The following APC variants were observed in gnomAD, a reference collection of about 807,000 sequenced individuals.
The protein encoded by APC is adenomatous polyposis coli protein.
APC carries 72 observed loss-of-function variants against 247.0 expected under a neutral mutation model. The observed-to-expected ratio is 0.29, with a 90% CI of 0.24 to 0.35. The LOEUF is 0.35. APC is among the 10% of genes least tolerant of loss of function. APC has a pLI of 1.00. For missense variants in APC, 3,400 were observed against 3,360.7 expected, an observed-to-expected ratio of 1.01 and a Z score of -0.29; for synonymous variants, 1,254 against 1,162.5, an observed-to-expected ratio of 1.08 and a Z score of -1.60.
At chr5:112,790,635 A>C (rs1464059895) in intron 6 of APC, among the ~76,000 whole-genome samples, 1 of 152,128 alleles carries the variant, frequency 6.6e-6, no homozygotes, top group African/African-American at 2.4e-5. Context: ...GGCAGCGAAC[A>C]CAACTTGAGT....
At chr5:112,715,069 G>T (rs558885251) in intron 1 of APC, among the ~76,000 whole-genome samples, 1 of 152,192 alleles carries the variant, frequency 6.6e-6, no homozygotes, top group Non-Finnish European at 1.5e-5. Context: ...TATGTACATT[G>T]TACTCCTACC....
In APC at chr5:112,839,431, T is replaced by G. The variant is rs1057522493; in HGVS notation, c.3837T>G (p.Ser1279=). 14 of 1,614,072 alleles carry G rather than the reference T, an allele frequency of 8.7e-6. No homozygotes were observed. In the South Asian group the frequency reaches 1.3e-4, roughly 15 times the overall value. Residue 1279 remains serine (S), a synonymous_variant, in exon 16 of 16, where the codon TCT becomes TCG. Coordinates refer to ENST00000257430, the MANE Select transcript of APC (RefSeq NM_000038.6). The surrounding 1 kb of genome is among the most constrained non-coding windows in gnomAD (Gnocchi z 5.0). Reference sequence around the variant, plus strand: ...TTTCAAGATGTAGTTCATTATCATCTTTGTCATCAGCTGAAGATGAAATAG... The same window carrying G: ...TTTCAAGATGTAGTTCATTATCATCGTTGTCATCAGCTGAAGATGAAATAG... The part of the protein sequence containing the change: ...ICFSRCSSLS[S]LSSAEDEIGC...
At chr5:112,790,096 G>A (rs1053060737) in intron 6 of APC, among the ~76,000 whole-genome samples, 4 of 152,124 alleles carry the variant, frequency 2.6e-5, no homozygotes, top group East Asian at 1.9e-4. Flanking sequence ...CTGAGCTTAA[G>A]CAGTCTGCCC....
chr5:112,798,712 C>G (rs1365315928), intron 7 of APC, among the ~76,000 whole-genome samples: 5 of 151,990 alleles, frequency 3.3e-5, no homozygotes, highest in Non-Finnish European at 7.4e-5. Context: ...GCAGGCAGGC[C>G]TGTAGCCTAG....
At chr5:112,759,451 G>A (rs7719122) in intron 2 of APC, among the ~76,000 whole-genome samples, 6,114 of 148,076 alleles carry the variant, frequency 0.041, 353 homozygotes, top group African/African-American at 0.14. Context: ...TCCGCCTCCC[G>A]GGTTCAAGCT....
Position 112,707,684 on chromosome 5 carries a change from C to T in APC, c.-34C>T, listed in dbSNP as rs1376128351. ...TTGGCTGTTGGTGAGGAAGGTGAAG[C>T]ACTCAGTTGCCTTCTCGGGCCTCGG... On this transcript the variant is annotated 5_prime_UTR_variant, in exon 1 of 14. Coordinates refer to the APC transcript ENST00000507379. The T allele has an allele frequency of 1.9e-5, 26 of 1,370,442 alleles. No individual in the cohort carries two copies. The highest frequency in any genetic ancestry group is 1.0e-4 in the East Asian group (3 of 29,430). The allele number at this position is 1,370,442 out of a possible 1,614,324, so 84.9% of individuals were successfully genotyped here.
At chr5:112,752,638 A>G (rs1754503360) in intron 1 of APC, among the ~76,000 whole-genome samples, 1 of 152,214 alleles carries the variant, frequency 6.6e-6, no homozygotes, top group African/African-American at 2.4e-5. Flanking sequence ...TTTTAAAGAT[A>G]TATTTGGTAT....
At chr5:112,755,639 A>G (rs918843273) in intron 2 of APC, among the ~76,000 whole-genome samples, 2 of 152,226 alleles carry the variant, frequency 1.3e-5, no homozygotes, top group African/African-American at 2.4e-5. Flanking sequence ...TGGCTTGCCA[A>G]ATAGTACTGA....
Position 112,843,008 on chromosome 5 carries a change from G to A in APC, c.7414G>A (p.Ala2472Thr), listed in dbSNP as rs1580682363. 1.9e-6 allele frequency: 3 copies of A among 1,614,042 alleles called. No individual in the cohort carries two copies. Among genetic ancestry groups the A allele is most frequent in the Non-Finnish European group, 2.5e-6 (3 of 1,179,934 alleles). The change falls in exon 16 of 16, where the codon GCT becomes ACT. Residue 2472 changes from alanine to threonine, a missense_variant. Ala to Thr is a moderately conservative substitution (Grantham distance 58, BLOSUM62 0). Transcript: ENST00000257430. The surrounding 1 kb of genome is among the most constrained non-coding windows in gnomAD (Gnocchi z 4.8). ...ATCTCTTTCTCCATCATCTAGACCA[G>A]CTTCTCCCACTAGGTCCCAGGCACA... is the stretch of plus-strand genomic sequence containing the variant. ...FESLSPSSRP[A>T]SPTRSQAQTP...
At chr5:112,769,712 A>C (rs73791454) in intron 4 of APC, among the ~76,000 whole-genome samples, 1 of 152,136 alleles carries the variant, frequency 6.6e-6, no homozygotes, top group African/African-American at 2.4e-5. Flanking sequence ...ATATGGTTCT[A>C]CTTTGTGGCA....
At chr5:112,771,604 G>A (rs1057259904) in intron 4 of APC, among the ~76,000 whole-genome samples, 1 of 152,146 alleles carries the variant, frequency 6.6e-6, no homozygotes, top group African/African-American at 2.4e-5. Flanking sequence ...TTTGATACCA[G>A]TCTGAATCTT....
intron 1 of APC, among the ~76,000 whole-genome samples, chr5:112,711,381 C>G (rs965633881): frequency 6.6e-6 from 1 of 152,172 alleles, no homozygotes; most frequent in Admixed American, 6.5e-5. Context: ...AAAACCATTC[C>G]CTGGTGCCAA....
rs558884961 is a variant in APC, at chr5:112,708,885, A to C, written c.165+1003A>C. Among the ~76,000 whole-genome samples the C allele has an allele frequency of 2.6e-5, 4 of 152,326 alleles. No homozygotes were observed. In the East Asian group the frequency reaches 7.7e-4, roughly 29 times the overall value. ...TATTAGTGGAGCAAGGGTAGTCAGA[A>C]TTACTGGTGTAAAAAACTGTCCTAA... is the stretch of plus-strand genomic sequence containing the variant. On this transcript the variant is annotated intron_variant, in intron 1 of 13. Transcript: ENST00000507379.
upstream of APC, among the ~76,000 whole-genome samples, chr5:112,737,598 T>G (rs1372889133): frequency 1.3e-5 from 2 of 152,352 alleles, no homozygotes; most frequent in East Asian, 3.9e-4. Context: ...CCCCCGACTC[T>G]TTACTATGCG....
At chr5:112,712,690 G>A (rs1750926791) in intron 1 of APC, among the ~76,000 whole-genome samples, 1 of 151,944 alleles carries the variant, frequency 6.6e-6, no homozygotes, top group Admixed American at 6.6e-5. Context: ...GCACCCAGCA[G>A]CATGTGCGCG....
rs1257718196 is a variant in APC, at chr5:112,845,865, CTGTATT to C, written c.*1742_*1747del. On this transcript the variant is annotated 3_prime_UTR_variant, in exon 16 of 16. Coordinates refer to ENST00000257430, the MANE Select transcript of APC (RefSeq NM_000038.6). ...TTTTTAGTGATAAGATTCATACACTCTGTATTTGGGGAGGGAAAACCTTTTTAAGCA... is the reference window on the plus strand; with the variant it reads ...TTTTTAGTGATAAGATTCATACACTCTGGGGAGGGAAAACCTTTTTAAGCA... The C allele has an allele frequency of 4.7e-5, 11 of 232,170 alleles. No homozygotes were observed. The highest frequency in any genetic ancestry group is 6.6e-5 in the African/African-American group (3 of 45,256). 14.4% of individuals were successfully genotyped at this position (232,170 alleles called of 1,614,324 possible). A position where few individuals can be genotyped will look rare whatever the true frequency, so the allele number is the denominator to read the frequency against.
intron 7 of APC, among the ~76,000 whole-genome samples, chr5:112,793,559 A>G (rs1371227000): frequency 1.3e-5 from 2 of 152,226 alleles, no homozygotes; most frequent in African/African-American, 4.8e-5. Flanking sequence ...AATATAGTTG[A>G]CAAAATCCAT....
At chr5:112,798,088 T>C (rs1176836721) in intron 7 of APC, among the ~76,000 whole-genome samples, 3 of 152,142 alleles carry the variant, frequency 2.0e-5, no homozygotes, top group East Asian at 1.9e-4. Context: ...CCAAGAGAAA[T>C]GAAAATATAT....
chr5:112,792,754 CT>C (rs1759773592), intron 7 of APC, among the ~76,000 whole-genome samples: 1 of 152,074 alleles, frequency 6.6e-6, no homozygotes, highest in Non-Finnish European at 1.5e-5. Flanking sequence ...ATATAGATAC[CT>C]TACTTTAGCT....
Sources: gnomAD v4.1 joint callset for allele counts (sites outside exome capture counted in the v4.1 genomes callset) on GRCh38, gnomAD v4.1.1 for gene constraint, Gnocchi (gnomAD v3.1) non-coding constraint, MANE v1.5 for transcripts, NCBI Gene and HGNC (gene_info 2026-07-23, HGNC 2026-07-21) for gene names.